The following COL22A1 variants were observed in gnomAD, a reference collection of about 807,000 sequenced individuals.
COL22A1 encodes the protein collagen type XXII alpha 1 chain.
A neutral mutation model predicts 248.9 loss-of-function variants in COL22A1; 221 were observed. That is an observed-to-expected ratio of 0.89 (90% CI 0.80 to 0.99). The LOEUF (loss-of-function observed/expected upper bound fraction) is 0.99. Among genes scored for constraint, COL22A1 ranks in the 50% least tolerant of loss-of-function variants. The pLI is 0.00. For synonymous variants in COL22A1, 891 were observed against 793.4 expected, an observed-to-expected ratio of 1.12 and a Z score of -2.07; for missense variants, 2,240 against 2,179.0, an observed-to-expected ratio of 1.03 and a Z score of -0.56.
intron 1 of COL22A1, among the ~76,000 whole-genome samples, chr8:138,901,878 T>C (rs1407602182): frequency 2.6e-5 from 4 of 151,854 alleles, no homozygotes; most frequent in Admixed American, 6.6e-5. Flanking sequence ...GAGAAGACAA[T>C]GGGAAGAGGG....
At chr8:138,685,566 G>T (rs1826284465) in intron 37 of COL22A1, among the ~76,000 whole-genome samples, 1 of 152,152 alleles carries the variant, frequency 6.6e-6, no homozygotes, top group Non-Finnish European at 1.5e-5. Context: ...GTTAGGATGA[G>T]GTCATACTGG....
intron 44 of COL22A1, 98 bp from the exon 45 acceptor site, chr8:138,656,042 A>C: frequency 1.0e-6 from 1 of 959,112 alleles, no homozygotes; most frequent in Non-Finnish European, 1.7e-6. Context: ...GTGTGACACA[A>C]TACGTGACAC....
chr8:138,664,201 GCGCGCGCGCACACACACACACACACA>G (rs1303423165), intron 41 of COL22A1, among the ~76,000 whole-genome samples: 7 of 87,872 alleles, frequency 8.0e-5, no homozygotes, highest in Non-Finnish European at 1.7e-4. Context: ...GGGTGCGCGC[GCGCGCGCGCACACACACACACACACA>G]CACACACACA....
At chr8:138,651,105 T>G (rs1822693617) in intron 45 of COL22A1, among the ~76,000 whole-genome samples, 1 of 152,172 alleles carries the variant, frequency 6.6e-6, no homozygotes, top group Non-Finnish European at 1.5e-5. Flanking sequence ...TGGCCCACCT[T>G]CCTTTTACTT....
At chr8:138,840,555 A>G (rs1056825783) in intron 4 of COL22A1, among the ~76,000 whole-genome samples, 16 of 150,946 alleles carry the variant, frequency 1.1e-4, no homozygotes, top group African/African-American at 2.0e-4. Flanking sequence ...ACACACACAC[A>G]CACGCGCTCC....
chr8:138,796,823 T>C lies in COL22A1; in HGVS notation c.1592A>G (p.Glu531Gly). Residue 531 changes from glutamate (E) to glycine (G), a missense_variant, in exon 12 of 65, where the codon GAA (glutamate) becomes GGA (glycine). Physicochemically the swap from Glu to Gly is moderately conservative, Grantham distance 98. Transcript: ENST00000303045. ...IGPFGQGEKG[E>G]KGSLGLPGPP... ...TGATAAAAGGAAGATGCTTACCTTT[T>C]CACCCTTTTCCCCTTGGCCAAAAGG... 5.0e-6 allele frequency: 8 copies of C among 1,599,710 alleles called. No individual in the cohort carries two copies. The highest frequency in any genetic ancestry group is 6.9e-6 in the Non-Finnish European group (8 of 1,166,980).
chr8:138,855,938 T>G (rs1262525365), intron 3 of COL22A1, among the ~76,000 whole-genome samples: 1 of 152,210 alleles, frequency 6.6e-6, no homozygotes, highest in Non-Finnish European at 1.5e-5. Context: ...AGGAGGCCTT[T>G]GGAGCCATGC....
intron 10 of COL22A1, among the ~76,000 whole-genome samples, chr8:138,803,162 G>A (rs1817148365): frequency 6.6e-6 from 1 of 152,152 alleles, no homozygotes; most frequent in African/African-American, 2.4e-5. Context: ...AGGAAAGCAA[G>A]TGCATGAAAG....
At chr8:138,791,213 A>C (rs2131582796) in intron 12 of COL22A1, among the ~76,000 whole-genome samples, 1 of 152,288 alleles carries the variant, frequency 6.6e-6, no homozygotes, top group Non-Finnish European at 1.5e-5. Context: ...GATTAGAAGC[A>C]CCCCTAAGAT....
At chr8:138,801,838 C>G (rs553989821) in intron 11 of COL22A1, among the ~76,000 whole-genome samples, 1 of 152,164 alleles carries the variant, frequency 6.6e-6, no homozygotes, top group Admixed American at 6.5e-5. Context: ...AAAGATCATG[C>G]CACTGTACTC....
chr8:138,746,548 C>T (rs1401473719), intron 22 of COL22A1, among the ~76,000 whole-genome samples: 1 of 152,218 alleles, frequency 6.6e-6, no homozygotes, highest in African/African-American at 2.4e-5. Flanking sequence ...TGACAGAACA[C>T]AACCTGAATC....
intron 46 of COL22A1, 128 bp from the exon 47 acceptor site, chr8:138,646,810 C>T: frequency 1.5e-6 from 1 of 654,142 alleles, no homozygotes; most frequent in Non-Finnish European, 2.6e-6. Context: ...CCGTCAGCTA[C>T]CCCTGCCCCT....
At chr8:138,624,272 C>T (rs983810578) in intron 51 of COL22A1, among the ~76,000 whole-genome samples, 11 of 152,090 alleles carry the variant, frequency 7.2e-5, no homozygotes, top group African/African-American at 1.9e-4. Flanking sequence ...GCAAGGAGCA[C>T]GTTTGGGTCA....
At chr8:138,674,401 TAC>T (rs1195776472) in intron 41 of COL22A1, among the ~76,000 whole-genome samples, 1 of 152,152 alleles carries the variant, frequency 6.6e-6, no homozygotes, top group Non-Finnish European at 1.5e-5. Flanking sequence ...GCACACTCCA[TAC>T]AGATTCCCAG....
chr8:138,848,503 G>A (rs1821408180), intron 3 of COL22A1, among the ~76,000 whole-genome samples: 1 of 152,138 alleles, frequency 6.6e-6, no homozygotes, highest in Admixed American at 6.5e-5. Flanking sequence ...CATTAGGGGA[G>A]GAAAAGGGCT....
chr8:138,891,190 A>G (rs1825041505), intron 1 of COL22A1, among the ~76,000 whole-genome samples: 1 of 152,226 alleles, frequency 6.6e-6, no homozygotes, highest in South Asian at 2.1e-4. Context: ...CTAGTGACAA[A>G]AGTTAAAGAC....
intron 16 of COL22A1, among the ~76,000 whole-genome samples, chr8:138,775,434 A>G (rs1201557580): frequency 6.6e-6 from 1 of 152,196 alleles, no homozygotes; most frequent in Non-Finnish European, 1.5e-5. Context: ...GCCTCCTCAG[A>G]CATGTTGGTT....
intron 1 of COL22A1, among the ~76,000 whole-genome samples, chr8:138,894,248 T>A (rs549864761): frequency 6.6e-6 from 1 of 152,062 alleles, no homozygotes; most frequent in South Asian, 2.1e-4. Context: ...TACATGTATG[T>A]GAGTGGCATA....
intron 32 of COL22A1, among the ~76,000 whole-genome samples, chr8:138,695,662 C>T (rs992338997): frequency 3.9e-5 from 6 of 152,088 alleles, no homozygotes; most frequent in East Asian, 1.9e-4. Context: ...ACAGGCAGTA[C>T]CCTGGGTGGG....
Sources: allele counts gnomAD v4.1 joint callset (sites outside exome capture counted in the v4.1 genomes callset), GRCh38; gene constraint gnomAD v4.1.1; transcripts MANE v1.5; gene names NCBI Gene and HGNC (gene_info 2026-07-23, HGNC 2026-07-21).